The following TRMT44 variants were observed in gnomAD, a reference collection of about 807,000 sequenced individuals.
The protein encoded by TRMT44 is probable tRNA (uracil-O(2)-)-methyltransferase.
TRMT44 carries 78 observed loss-of-function variants against 77.3 expected under a neutral mutation model. The ratio of observed to expected loss-of-function variants is 1.01; its 90% CI spans 0.84 to 1.22. TRMT44 has a LOEUF of 1.22. Among genes scored for constraint, TRMT44 ranks in the 50% most tolerant of loss-of-function variants. The probability of loss-of-function intolerance (pLI) is 0.00; values close to 1 mark genes in which losing one functional copy is unlikely to be tolerated. For missense variants in TRMT44, 1,090 were observed against 964.4 expected (o/e 1.13, Z -1.73); for synonymous variants, 391 against 383.3 (o/e 1.02, Z -0.23).
chr4:8,467,471 TATTTATTTTTATTG>T (rs1264788443), intron 8 of TRMT44, among the ~76,000 whole-genome samples: 2 of 152,172 alleles, frequency 1.3e-5, no homozygotes, highest in Non-Finnish European at 2.9e-5. Flanking sequence ...TTTTATTTTG[TATTTATTTTTATTG>T]ATTTATTTAT....
intron 8 of TRMT44, 152 bp from the exon 9 acceptor site, chr4:8,467,762 C>T (rs532059147): frequency 1.0e-5 from 9 of 859,322 alleles, no homozygotes; most frequent in South Asian, 7.4e-5. Flanking sequence ...AGTGAGCCAC[C>T]GTACCTGGCT....
chr4:8,504,762 G>A, the TRMT44 span, among the ~76,000 whole-genome samples: 1 of 152,118 alleles, frequency 6.6e-6, no homozygotes, highest in East Asian at 1.9e-4. The surrounding 1 kb of genome is among the most constrained non-coding windows in gnomAD (Gnocchi z 5.3). Context: ...AGGCACCCTG[G>A]CTGCACCTGC....
chr4:8,480,305 G>A (rs1727572911), downstream of TRMT44, among the ~76,000 whole-genome samples: 1 of 152,204 alleles, frequency 6.6e-6, no homozygotes, highest in South Asian at 2.1e-4. Flanking sequence ...TGTGGAGGTG[G>A]AGTGCAGCAT....
In TRMT44 at chr4:8,471,098, G is replaced by A. The variant is rs1303706271; in HGVS notation, c.1942G>A (p.Ala648Thr). ...TWNGGESLSL[A>T]EVANELDTET... ...TTTTTCCACAGAGAGCCTATCTCTG[G>A]CAGAAGTAGCCAACGAGCTGGACAC... The change falls in exon 10 of 11, where the codon GCA (alanine) becomes ACA (threonine). Residue 648 changes from alanine (A) to threonine (T), a missense_variant. Ala to Thr is a moderately conservative substitution (Grantham distance 58). Coordinates refer to ENST00000389737, the MANE Select transcript of TRMT44 (RefSeq NM_152544.3). 3.1e-6 allele frequency: 5 copies of A among 1,599,022 alleles called. No individual in the cohort carries two copies. Among genetic ancestry groups the A allele is most frequent in the Non-Finnish European group, 4.3e-6 (5 of 1,174,456 alleles).
intron 6 of TRMT44, among the ~76,000 whole-genome samples, chr4:8,463,173 T>C (rs1186898760): frequency 1.3e-5 from 2 of 152,230 alleles, no homozygotes; most frequent in African/African-American, 2.4e-5. Flanking sequence ...TTCACTTATC[T>C]TGGGGACTCA....
chr4:8,449,944 C>CTTTTTT (rs1353246320), intron 3 of TRMT44, 56 bp downstream of exon 3: 4 of 376,944 alleles, frequency 1.1e-5, no homozygotes, highest in Non-Finnish European at 7.6e-6. Flanking sequence ...CTTTTCTTTT[C>CTTTTTT]TTTTCTTTTT....
At chr4:8,458,763 C>T (rs375785812) in intron 6 of TRMT44, among the ~76,000 whole-genome samples, 1 of 152,160 alleles carries the variant, frequency 6.6e-6, no homozygotes. Flanking sequence ...CCACGATTTT[C>T]TTAATAACAT....
chr4:8,504,749 C>T, the TRMT44 span, among the ~76,000 whole-genome samples: 2 of 152,180 alleles, frequency 1.3e-5, no homozygotes, highest in Non-Finnish European at 2.9e-5. This position sits in a 1 kb window ranked among gnomAD's most constrained non-coding sequence, Gnocchi z 5.3. Flanking sequence ...CCTGTCACAA[C>T]CCAGGCACCC....
chr4:8,449,065 T>A (rs997993877), intron 2 of TRMT44, among the ~76,000 whole-genome samples: 18 of 152,260 alleles, frequency 1.2e-4, no homozygotes, highest in African/African-American at 4.1e-4. Flanking sequence ...CCAAGGATTG[T>A]GAGCTTTTCC....
chr4:8,442,098 A>G (rs565650193), intron 1 of TRMT44, among the ~76,000 whole-genome samples: 33 of 152,350 alleles, frequency 2.2e-4, no homozygotes, highest in South Asian at 4.1e-4. Flanking sequence ...AGTGATTCAA[A>G]GGAGTGTCTT....
chr4:8,441,271 C>T lies in TRMT44; in HGVS notation c.449C>T (p.Ser150Phe), dbSNP rs376568530. The stretch of plus-strand genomic sequence containing the variant: ...CTGGATTCGCTTTGGGAGGATTTCT[C>T]CCAAAGTCTCGCCCGTGGCAATTCG... ...ADLDSLWEDF[S>F]QSLARGNSEL... Residue 150 changes from serine to phenylalanine, a missense_variant, in exon 1 of 11, where the codon TCC (serine) becomes TTC (phenylalanine). Physicochemically the swap from Ser to Phe is radical, Grantham distance 155 (BLOSUM62 -2). Coordinates refer to ENST00000389737, the MANE Select transcript of TRMT44 (RefSeq NM_152544.3). 2.4e-4 allele frequency: 371 copies of T among 1,535,554 alleles called. 7 individuals carry two copies. The South Asian group carries it at 3.9e-3, about 16-fold the overall frequency.
chr4:8,481,598 C>G (rs13120514), intron 2 of TRMT44, among the ~76,000 whole-genome samples: 38,748 of 152,180 alleles, frequency 0.25, 6,064 homozygotes, highest in African/African-American at 0.44. Flanking sequence ...TCCTGCCTCA[C>G]CCTCCCAAAG....
rs907992415 is a variant in TRMT44 at position 8,461,489 on chromosome 4, G to A, written c.1204-2496G>A. 6.6e-6 allele frequency among the ~76,000 whole-genome samples: 1 copy of A among 152,200 alleles called. No individual in the cohort carries two copies. Among genetic ancestry groups the A allele is most frequent in the South Asian group, 2.1e-4 (1 of 4,834 alleles). On this transcript the variant is annotated intron_variant, in intron 6 of 10. Transcript: ENST00000389737. The surrounding 1 kb of genome is among the most constrained non-coding windows in gnomAD (Gnocchi z 4.6). ...AGCAGTGAGTAGGCCATCTGTGTAAGCCCAGACCCTAGGGAAGAGCTGGCT... is the reference window on the plus strand; with the variant it reads ...AGCAGTGAGTAGGCCATCTGTGTAAACCCAGACCCTAGGGAAGAGCTGGCT...
rs1318932462 is a variant in TRMT44, at chr4:8,446,047, G to C, written c.620-429G>C. The stretch of plus-strand genomic sequence containing the variant: ...ACAACATAAAGCGGTTGTTAGGAAG[G>C]CCTGGACTGATATCCGCTTTCCTGA... On this transcript the variant is annotated intron_variant, in intron 1 of 10. Coordinates refer to ENST00000389737, the MANE Select transcript of TRMT44 (RefSeq NM_152544.3). The surrounding 1 kb of genome is among the most constrained non-coding windows in gnomAD (Gnocchi z 4.3). 1.3e-5 allele frequency among the ~76,000 whole-genome samples: 2 copies of C among 152,200 alleles called. No individual in the cohort carries two copies. The highest frequency in any genetic ancestry group is 2.4e-5 in the African/African-American group (1 of 41,446).
chr4:8,448,559 C>T (rs1725211802), intron 2 of TRMT44, among the ~76,000 whole-genome samples: 2 of 152,216 alleles, frequency 1.3e-5, no homozygotes, highest in South Asian at 2.1e-4. Context: ...GAGGAACGCC[C>T]CTTGGGCAGA....
At chr4:8,482,936 G>C (rs897291227) in intron 2 of TRMT44, among the ~76,000 whole-genome samples, 3 of 151,978 alleles carry the variant, frequency 2.0e-5, no homozygotes, top group Non-Finnish European at 4.4e-5. Context: ...GAGATAATGG[G>C]CAATGTTTCT....
chr4:8,491,353 G>A (rs941483333), intron 2 of TRMT44, among the ~76,000 whole-genome samples: 3 of 152,238 alleles, frequency 2.0e-5, no homozygotes, highest in Non-Finnish European at 4.4e-5. Flanking sequence ...TTCACCTAGT[G>A]GATCCCGCAC....
intron 6 of TRMT44, among the ~76,000 whole-genome samples, chr4:8,462,746 TA>T (rs1726251836): frequency 6.6e-6 from 1 of 152,192 alleles, no homozygotes; most frequent in South Asian, 2.1e-4. Context: ...AAAAACTTCA[TA>T]AAACAGGTGG....
At chr4:8,491,191 C>T (rs1459664256) in intron 2 of TRMT44, among the ~76,000 whole-genome samples, 1 of 152,116 alleles carries the variant, frequency 6.6e-6, no homozygotes, top group African/African-American at 2.4e-5. Context: ...AAAGGTTCTC[C>T]AAGGCCCCAC....
Sources: gnomAD v4.1 joint callset for allele counts (sites outside exome capture counted in the v4.1 genomes callset) on GRCh38, gnomAD v4.1.1 for gene constraint, Gnocchi (gnomAD v3.1) non-coding constraint, MANE v1.5 for transcripts, NCBI Gene and HGNC (gene_info 2026-07-23, HGNC 2026-07-21) for gene names.